Variants in COMMD5 observed in about 807,000 individuals in gnomAD.
COMMD5 encodes the protein COMM domain containing 5.
In COMMD5, 10 loss-of-function variants were observed where a neutral mutation model predicts 6.9. The ratio of observed to expected loss-of-function variants is 1.44; its 90% CI spans 0.89 to 2.45. COMMD5 has a LOEUF of 2.45. Ranked by LOEUF, COMMD5 falls within the 30% of genes most tolerant of loss-of-function variation. The pLI, the probability that COMMD5 is intolerant of heterozygous loss-of-function variation, is 0.00. For synonymous variants in COMMD5, 127 were observed against 125.3 expected, an observed-to-expected ratio of 1.01 and a Z score of -0.09; for missense variants, 234 against 287.8, an observed-to-expected ratio of 0.81 and a Z score of 1.35.
downstream of COMMD5, among the ~76,000 whole-genome samples, chr8:144,849,780 T>C (rs1209891): frequency 0.38 from 56,408 of 150,274 alleles, 10,649 homozygotes; most frequent in South Asian, 0.46. Context: ...TGCTGGGCTC[T>C]AGCCTCCTCC....
downstream of COMMD5, chr8:144,845,937 A>G (rs780815975): frequency 1.3e-6 from 2 of 1,526,138 alleles, no homozygotes; most frequent in African/African-American, 1.4e-5. Flanking sequence ...GGTCACCTTC[A>G]GGTCTAGCAC....
At chr8:144,839,667 C>G (rs931249627), downstream of COMMD5, among the ~76,000 whole-genome samples, 1 of 152,224 alleles carries the variant, frequency 6.6e-6, no homozygotes, top group Non-Finnish European at 1.5e-5. Context: ...GAGTCCGGGG[C>G]AGGGATGTAG....
chr8:144,847,968 C>T (rs1830589841), downstream of COMMD5, among the ~76,000 whole-genome samples: 1 of 152,148 alleles, frequency 6.6e-6, no homozygotes, highest in African/African-American at 2.4e-5. Flanking sequence ...TGGAGGGGTC[C>T]AGTGGGCTCA....
downstream of COMMD5, among the ~76,000 whole-genome samples, chr8:144,840,022 C>T (rs1288990703): frequency 1.3e-5 from 2 of 152,220 alleles, no homozygotes; most frequent in African/African-American, 2.4e-5. Context: ...GCAACCTCTG[C>T]CTGCCAGGTT....
Position 144,850,667 on chromosome 8 carries a change from G to C in COMMD5, c.672C>G (p.Asp224Glu). ...ATGGGACTGGTCAAGTGAGGGGTCA[G>C]TCCTGCAGTCTGCGCTCACACCTCT... ...LEKRCERRLQ[D>E] The change falls in exon 2 of 2, where the codon GAC becomes GAG. Residue 224 changes from aspartate (D) to glutamate (E), a missense_variant. Coordinates refer to ENST00000305103, the MANE Select transcript of COMMD5 (RefSeq NM_014066.4). The surrounding 1 kb of genome is among the most constrained non-coding windows in gnomAD (Gnocchi z 4.0). The C allele has an allele frequency of 6.2e-7, 1 of 1,612,614 alleles. No individual in the cohort carries two copies. Among genetic ancestry groups the C allele is most frequent in the African/African-American group, 1.3e-5 (1 of 75,026 alleles).
chr8:144,841,396 A>G (rs752215167), exon 2 of COMMD5: 3 of 1,613,064 alleles, frequency 1.9e-6, no homozygotes, highest in South Asian at 1.1e-5. Context: ...CTGTGAGGAC[A>G]TGGACATCCT....
At chr8:144,845,110 G>C (rs1830440080) in intron 1 of COMMD5, among the ~76,000 whole-genome samples, 1 of 152,148 alleles carries the variant, frequency 6.6e-6, no homozygotes, top group East Asian at 1.9e-4. Context: ...TTATGGTGCG[G>C]GACAGCTTTC....
downstream of COMMD5, chr8:144,847,135 G>A (rs1830554574): frequency 6.6e-6 from 1 of 152,278 alleles, no homozygotes. Context: ...GTATCACATG[G>A]AAGCATCCAG....
chr8:144,849,332 G>C (rs562827334), downstream of COMMD5, among the ~76,000 whole-genome samples: 1 of 152,240 alleles, frequency 6.6e-6, no homozygotes, highest in East Asian at 1.9e-4. Flanking sequence ...CAGATGGCAG[G>C]ACCCACAAGC....
chr8:144,851,146 G>C lies in COMMD5; in HGVS notation c.193C>G (p.Arg65Gly). 6.2e-7 allele frequency: 1 copy of C among 1,613,180 alleles called. No individual in the cohort carries two copies. Among genetic ancestry groups the C allele is most frequent in the Non-Finnish European group, 8.5e-7 (1 of 1,180,008 alleles). ...ACCCCAAGACGCTGCACAGCCTCTCGGCAGTCCTCCCCCTGCAGGCTGCTG... is the reference window on the plus strand; with the variant it reads ...ACCCCAAGACGCTGCACAGCCTCTCCGCAGTCCTCCCCCTGCAGGCTGCTG... ...VVSSLQGEDC[R>G]EAVQRLGVSA... Residue 65 changes from arginine (R) to glycine (G), a missense_variant, in exon 2 of 2, where the codon CGA (arginine) becomes GGA (glycine). Arg to Gly is a moderately radical substitution (Grantham distance 125, BLOSUM62 -2). Transcript: ENST00000305103.
intron 1 of COMMD5, chr8:144,852,602 C>G (rs1830796493): frequency 6.6e-6 from 1 of 152,472 alleles, no homozygotes; most frequent in Admixed American, 6.5e-5. Flanking sequence ...ACTGCCAACT[C>G]CTTCACCGTC....
chr8:144,850,839 G>A lies in COMMD5; in HGVS notation c.500C>T (p.Ala167Val). The change falls in exon 2 of 2, where the codon GCC becomes GTC. Residue 167 changes from alanine (A) to valine (V), a missense_variant. Transcript: ENST00000305103. The surrounding 1 kb of genome is among the most constrained non-coding windows in gnomAD (Gnocchi z 4.0). ...WRVDVAISTS[A>V]LARSLQPSVL... ...GCTCGGCTGCAGGGAGCGAGCCAGGGCACTGGTGGAGATTGCTACATCCAC... is the reference window on the plus strand; with the variant it reads ...GCTCGGCTGCAGGGAGCGAGCCAGGACACTGGTGGAGATTGCTACATCCAC... 6.2e-7 allele frequency: 1 copy of A among 1,613,810 alleles called. No homozygotes were observed. The highest frequency in any genetic ancestry group is 8.5e-7 in the Non-Finnish European group (1 of 1,179,992).
intron 1 of COMMD5, chr8:144,843,289 T>A: frequency 7.9e-7 from 1 of 1,261,092 alleles, no homozygotes; most frequent in Non-Finnish European, 1.1e-6. Flanking sequence ...AGAATTGCTC[T>A]CAAGAATATC....
At chr8:144,841,163 CAA>C in exon 2 of COMMD5, 1 of 622,962 alleles carries the variant, frequency 1.6e-6, no homozygotes, top group African/African-American at 1.8e-5. Context: ...AATGAGTGAA[CAA>C]GGTAAAAAGT....
chr8:144,841,593 C>A, exon 2 of COMMD5: 2 of 1,614,162 alleles, frequency 1.2e-6, no homozygotes, highest in Non-Finnish European at 1.7e-6. Flanking sequence ...TTCCCAAGAC[C>A]TTCACCAAGG....
At chr8:144,841,536 G>A (rs1277815904) in exon 2 of COMMD5, 3 of 1,614,040 alleles carry the variant, frequency 1.9e-6, no homozygotes, top group Non-Finnish European at 2.5e-6. Flanking sequence ...GGCTGAAAGT[G>A]ACAGGCTTTA....
At chr8:144,846,059 A>G (rs1830496890), downstream of COMMD5, 1 of 1,536,564 alleles carries the variant, frequency 6.5e-7, no homozygotes, top group Non-Finnish European at 8.7e-7. Context: ...TGGCCTTCCA[A>G]AACACTGCTC....
chr8:144,842,752 G>A (rs1830115599), intron 1 of COMMD5: 2 of 1,614,088 alleles, frequency 1.2e-6, no homozygotes, highest in Non-Finnish European at 8.5e-7. Context: ...GGTTCACACT[G>A]GAGAGAGGCC....
At chr8:144,843,298 T>A in intron 1 of COMMD5, 1 of 1,211,146 alleles carries the variant, frequency 8.3e-7, no homozygotes, top group Non-Finnish European at 1.1e-6. Context: ...CTCAAGAATA[T>A]CCAACTTCAG....
Sources: allele counts gnomAD v4.1 joint callset (sites outside exome capture counted in the v4.1 genomes callset), GRCh38; gene constraint gnomAD v4.1.1; non-coding constraint Gnocchi (gnomAD v3.1); transcripts MANE v1.5; gene names NCBI Gene and HGNC (gene_info 2026-07-23, HGNC 2026-07-21).